Variants in ERBB4 observed in about 807,000 individuals in gnomAD.
ERBB4 encodes the protein erb-b2 receptor tyrosine kinase 4.
Under a neutral mutation model 158.0 loss-of-function variants are expected in ERBB4, and 42 were observed. The ratio of observed to expected loss-of-function variants is 0.27; its 90% CI spans 0.21 to 0.34. ERBB4 has a LOEUF of 0.34. ERBB4 is among the 10% of genes least tolerant of loss of function. The pLI is 1.00. For missense variants in ERBB4, 1,333 were observed against 1,624.1 expected, an observed-to-expected ratio of 0.82 and a Z score of 3.08; for synonymous variants, 583 against 558.7, an observed-to-expected ratio of 1.04 and a Z score of -0.61.
At chr2:211,717,660 C>A (rs1337210488) in intron 7 of ERBB4, among the ~76,000 whole-genome samples, 1 of 149,306 alleles carries the variant, frequency 6.7e-6, no homozygotes, top group Admixed American at 6.8e-5. Flanking sequence ...GAAACCCAGG[C>A]TCCACTAAAA....
chr2:212,172,665 G>A lies in ERBB4; in HGVS notation c.83-47762C>T, dbSNP rs73073259. ...ATGGAGCTGGAGGCCATGTTCCTTA[G>A]CAAATTAATACAGGAACTGAAAACA... On this transcript the variant is annotated intron_variant, in intron 1 of 27. Coordinates refer to ENST00000342788, the MANE Select transcript of ERBB4 (RefSeq NM_005235.3). Among the ~76,000 whole-genome samples the A allele has an allele frequency of 3.5e-3, 534 of 152,162 alleles. 3 individuals carry two copies. Among genetic ancestry groups the A allele is most frequent in the African/African-American group, 0.012 (502 of 41,540 alleles).
chr2:212,307,402 C>T (rs1347744895), intron 1 of ERBB4, among the ~76,000 whole-genome samples: 1 of 150,374 alleles, frequency 6.7e-6, no homozygotes, highest in Admixed American at 6.6e-5. Context: ...TTAACTAATG[C>T]TTTAAAAATA....
chr2:211,600,627 C>T (rs2068770702), intron 19 of ERBB4, among the ~76,000 whole-genome samples: 1 of 152,174 alleles, frequency 6.6e-6, no homozygotes, highest in South Asian at 2.1e-4. Context: ...CCAGGTGTAC[C>T]AGGTGACTAA....
intron 1 of ERBB4, among the ~76,000 whole-genome samples, chr2:212,144,223 T>C (rs1159734620): frequency 5.9e-5 from 9 of 152,152 alleles, no homozygotes; most frequent in Admixed American, 5.9e-4. Context: ...TATACTCACA[T>C]TAATACACGT....
chr2:212,322,336 T>C (rs1292398760), intron 1 of ERBB4, among the ~76,000 whole-genome samples: 1 of 150,148 alleles, frequency 6.7e-6, no homozygotes, highest in Non-Finnish European at 1.5e-5. Context: ...CTGTGAAGAT[T>C]GCCTATGACA....
chr2:212,357,882 A>G (rs1029067087), intron 1 of ERBB4, among the ~76,000 whole-genome samples: 2 of 151,930 alleles, frequency 1.3e-5, no homozygotes, highest in African/African-American at 2.4e-5. Context: ...TGGTCAAACA[A>G]TAATGGATTT....
intron 1 of ERBB4, among the ~76,000 whole-genome samples, chr2:212,291,931 A>G (rs1362586336): frequency 6.6e-6 from 1 of 152,012 alleles, no homozygotes; most frequent in African/African-American, 2.4e-5. Context: ...AACAGTTTGT[A>G]GTTTGTGGAC....
intron 2 of ERBB4, among the ~76,000 whole-genome samples, chr2:211,963,110 C>A (rs1266218029): frequency 6.6e-6 from 1 of 152,048 alleles, no homozygotes; most frequent in African/African-American, 2.4e-5. Context: ...ATATTGTTCA[C>A]ATAGGTCCAA....
At position 212,324,466 on chromosome 2, in the gene ERBB4, C is replaced by G. The variant is rs558920817; in HGVS notation, c.83-199563G>C. On this transcript the variant is annotated intron_variant, in intron 1 of 27. Coordinates refer to ENST00000342788, the MANE Select transcript of ERBB4 (RefSeq NM_005235.3). ...AACGAAACCATGAACAGCTTAGGAG[C>G]AGCGGGTTTTTTGTTTTTGTTTTTT... 3.8e-3 allele frequency among the ~76,000 whole-genome samples: 455 copies of G among 120,120 alleles called. 21 individuals are homozygous for G. The highest frequency in any genetic ancestry group is 8.2e-3 in the Middle Eastern group (2 of 244). The allele number at this position is 120,120 out of a possible 152,430, so 78.8% of individuals were successfully genotyped here. A position where few individuals can be genotyped will look rare whatever the true frequency, so the allele number is the denominator to read the frequency against.
chr2:211,988,897 A>C (rs955589011), intron 2 of ERBB4, among the ~76,000 whole-genome samples: 12 of 152,080 alleles, frequency 7.9e-5, no homozygotes, highest in Non-Finnish European at 1.6e-4. Flanking sequence ...ACGATCATGC[A>C]TAAAATTGTT....
chr2:212,449,017 T>A (rs1238734146), intron 1 of ERBB4, among the ~76,000 whole-genome samples: 39 of 152,270 alleles, frequency 2.6e-4, no homozygotes, highest in Non-Finnish European at 1.0e-4. Flanking sequence ...TCTTCATATT[T>A]CTATTCAGTC....
intron 19 of ERBB4, among the ~76,000 whole-genome samples, chr2:211,608,986 G>A (rs1161277749): frequency 1.3e-5 from 2 of 152,048 alleles, no homozygotes; most frequent in East Asian, 3.9e-4. Flanking sequence ...CCCTCTACTT[G>A]AGAGAACCAT....
At chr2:211,494,602 T>G (rs2065424723) in intron 20 of ERBB4, among the ~76,000 whole-genome samples, 1 of 152,138 alleles carries the variant, frequency 6.6e-6, no homozygotes, top group African/African-American at 2.4e-5. Context: ...CTCTACATGA[T>G]AAAGAAGACT....
chr2:211,734,040 A>T (rs181892799), intron 5 of ERBB4, among the ~76,000 whole-genome samples: 25 of 152,262 alleles, frequency 1.6e-4, no homozygotes, highest in African/African-American at 2.4e-4. Flanking sequence ...GAAAATATTT[A>T]AAAAATTTTG....
intron 2 of ERBB4, among the ~76,000 whole-genome samples, chr2:211,993,945 T>G (rs2082137585): frequency 1.3e-5 from 2 of 151,428 alleles, no homozygotes; most frequent in Non-Finnish European, 3.0e-5. Flanking sequence ...ATAAACATTT[T>G]TATATGTTTT....
At chr2:212,440,073 TACCATCACTA>T (rs2092222356) in intron 1 of ERBB4, among the ~76,000 whole-genome samples, 1 of 152,210 alleles carries the variant, frequency 6.6e-6, no homozygotes, top group African/African-American at 2.4e-5. Flanking sequence ...ATAGTAACAA[TACCATCACTA>T]ACTTATCCAA....
intron 12 of ERBB4, 147 bp from the exon 13 acceptor site, chr2:211,679,331 A>G: frequency 1.2e-6 from 1 of 805,354 alleles, no homozygotes; most frequent in South Asian, 1.6e-5. Context: ...GTCATGTCCC[A>G]TCCTACCCAC....
chr2:212,456,895 T>C (rs1457116765), intron 1 of ERBB4, among the ~76,000 whole-genome samples: 1 of 151,962 alleles, frequency 6.6e-6, no homozygotes, highest in Non-Finnish European at 1.5e-5. Flanking sequence ...TATAATGGCC[T>C]TTTTTCTCCC....
At chr2:211,875,849 T>A (rs554905321) in intron 3 of ERBB4, among the ~76,000 whole-genome samples, 2 of 152,292 alleles carry the variant, frequency 1.3e-5, no homozygotes, top group East Asian at 3.9e-4. Flanking sequence ...ACACATACAT[T>A]TTGTTACAAT....
Sources: gnomAD v4.1 joint callset for allele counts (sites outside exome capture counted in the v4.1 genomes callset) on GRCh38, gnomAD v4.1.1 for gene constraint, MANE v1.5 for transcripts, NCBI Gene and HGNC (gene_info 2026-07-23, HGNC 2026-07-21) for gene names.